POLI: variants seen among roughly 807,000 people sequenced by gnomAD.
The protein encoded by POLI is RAD30 homolog B.
POLI carries 58 observed loss-of-function variants against 51.6 expected under a neutral mutation model. The ratio of observed to expected loss-of-function variants is 1.12; its 90% CI spans 0.91 to 1.40. POLI has a LOEUF of 1.40. Ranked by LOEUF, POLI falls within the 40% of genes most tolerant of loss-of-function variation. The pLI is 0.00. For synonymous variants in POLI, 322 were observed against 299.7 expected (o/e 1.07, Z -0.77); for missense variants, 921 against 871.3 (o/e 1.06, Z -0.72).
chr18:54,279,273 C>T (rs1311143592), intron 4 of POLI, among the ~76,000 whole-genome samples: 1 of 135,026 alleles, frequency 7.4e-6, no homozygotes, highest in Non-Finnish European at 1.5e-5. Flanking sequence ...GACAGAGTCT[C>T]ACTCTGTCGC....
intron 3 of POLI, among the ~76,000 whole-genome samples, chr18:54,306,809 G>A (rs141488383): frequency 0.069 from 10,535 of 152,170 alleles, 427 homozygotes; most frequent in African/African-American, 0.089. Flanking sequence ...TTGGGAGGAT[G>A]TATGTGTCCA....
At position 54,271,449 on chromosome 18, in the gene POLI, A is replaced by G. The variant is rs2086997671; in HGVS notation, c.205A>G (p.Met69Val). The part of the protein sequence containing the change: ...DLDCFYAQVE[M>V]ISNPELKDKP... The stretch of plus-strand genomic sequence containing the variant: ...GGATTGCTTTTATGCACAAGTAGAA[A>G]TGATCTCAAATCCAGAGCTAAAAGA... Residue 69 changes from methionine to valine, a missense_variant, in exon 2 of 10, where the codon ATG becomes GTG. Transcript: ENST00000579534. The G allele has an allele frequency of 6.2e-7, 1 of 1,609,062 alleles. No individual in the cohort carries two copies. Among genetic ancestry groups the G allele is most frequent in the Non-Finnish European group, 8.5e-7 (1 of 1,176,046 alleles).
Position 54,294,656 on chromosome 18 carries a change from G to A in POLI, c.*189G>A, listed in dbSNP as rs1481985176. Reference sequence around the variant, plus strand: ...GTAAAAATATAACAGAAGAAATAATGTAAAATACTATCTTTTATGTCTAAA... The same window carrying A: ...GTAAAAATATAACAGAAGAAATAATATAAAATACTATCTTTTATGTCTAAA... On this transcript the variant is annotated 3_prime_UTR_variant, in exon 10 of 10. Transcript: ENST00000579534. 5 of 1,247,058 alleles carry A rather than the reference G, an allele frequency of 4.0e-6. No individual in the cohort carries two copies. The allele number at this position is 1,247,058 out of a possible 1,614,324, so 77.2% of individuals were successfully genotyped here.
intron 3 of POLI, among the ~76,000 whole-genome samples, chr18:54,308,843 A>C (rs567096201): frequency 2.0e-5 from 3 of 152,198 alleles, no homozygotes; most frequent in Admixed American, 1.3e-4. Flanking sequence ...ATCTTCAATC[A>C]CTGATACCCT....
In POLI at chr18:54,293,669, G is replaced by A; in HGVS notation, c.1425G>A (p.Met475Ile). The change falls in exon 10 of 10, where the codon ATG becomes ATA. Residue 475 changes from methionine (M) to isoleucine (I), a missense_variant. Coordinates refer to ENST00000579534, the MANE Select transcript of POLI (RefSeq NM_007195.3). ...KHSFKMKDTH[M>I]EDFPKDKETN... ...TCTAGAAAATGAAAGACACTCATATGGAAGATTTTCCCAAAGACAAAGAAA... is the reference window on the plus strand; with the variant it reads ...TCTAGAAAATGAAAGACACTCATATAGAAGATTTTCCCAAAGACAAAGAAA... The A allele has an allele frequency of 6.3e-7, 1 of 1,577,754 alleles. No homozygotes were observed. Among genetic ancestry groups the A allele is most frequent in the Non-Finnish European group, 8.6e-7 (1 of 1,165,054 alleles).
At chr18:54,303,506 T>G (rs1348252175) in intron 3 of POLI, among the ~76,000 whole-genome samples, 1 of 152,202 alleles carries the variant, frequency 6.6e-6, no homozygotes, top group Non-Finnish European at 1.5e-5. Context: ...TTCTGCTGAC[T>G]ACTCACATGC....
intron 1 of POLI, chr18:54,270,379 TCTCAA>T (rs1168079570): frequency 1.3e-5 from 2 of 152,232 alleles, no homozygotes; most frequent in Non-Finnish European, 2.9e-5. Context: ...TCCAGGCTGG[TCTCAA>T]ACTCCAGCCA....
downstream of POLI, among the ~76,000 whole-genome samples, chr18:54,299,011 A>G (rs1247278657): frequency 6.6e-6 from 1 of 152,182 alleles, no homozygotes; most frequent in African/African-American, 2.4e-5. Context: ...TTGTAAATTG[A>G]AAATATCATG....
rs2088313570 is a variant in POLI at position 54,296,106 on chromosome 18, A to G, written c.*1639A>G. ...AATCAAGGAACATAGTATTTTTTAC[A>G]TGAGTATTCCAGTAAGGTAATTAAA... On this transcript the variant is annotated 3_prime_UTR_variant, in exon 10 of 10. Transcript: ENST00000579534. 3.1e-6 allele frequency: 3 copies of G among 982,620 alleles called. No individual in the cohort carries two copies. The highest frequency in any genetic ancestry group is 4.7e-5 in the South Asian group (1 of 21,232). The allele number at this position is 982,620 out of a possible 1,614,324, so 60.9% of individuals were successfully genotyped here.
chr18:54,307,569 G>A (rs2088608015), intron 3 of POLI, among the ~76,000 whole-genome samples: 1 of 152,176 alleles, frequency 6.6e-6, no homozygotes, highest in Admixed American at 6.5e-5. Flanking sequence ...TGTTGATTTG[G>A]GGTGGAGAGT....
chr18:54,276,564 C>T (rs950220741), intron 3 of POLI, among the ~76,000 whole-genome samples: 7 of 152,158 alleles, frequency 4.6e-5, no homozygotes, highest in African/African-American at 1.4e-4. Flanking sequence ...CTACATGTTA[C>T]TTTGCATATC....
At chr18:54,303,278 T>A (rs2088523672) in intron 3 of POLI, among the ~76,000 whole-genome samples, 1 of 152,196 alleles carries the variant, frequency 6.6e-6, no homozygotes. Context: ...CTGCCTAAAC[T>A]ACCTAGATTG....
intron 3 of POLI, among the ~76,000 whole-genome samples, chr18:54,308,938 A>G (rs1324384940): frequency 1.3e-5 from 2 of 152,140 alleles, no homozygotes. Flanking sequence ...CCTTCAGGTA[A>G]TTTAAGGTCT....
chr18:54,306,999 A>C (rs771277767), intron 3 of POLI, among the ~76,000 whole-genome samples: 1 of 151,976 alleles, frequency 6.6e-6, no homozygotes, highest in Non-Finnish European at 1.5e-5. Flanking sequence ...CAGTCTAGCT[A>C]GCAAGAAAAG....
chr18:54,305,306 T>G (rs574790783), intron 3 of POLI, among the ~76,000 whole-genome samples: 1 of 152,320 alleles, frequency 6.6e-6, no homozygotes, highest in South Asian at 2.1e-4. Context: ...AAGAAAGTCA[T>G]TGGTAGCTTG....
At chr18:54,305,890 C>G (rs891037093) in intron 3 of POLI, among the ~76,000 whole-genome samples, 1 of 152,118 alleles carries the variant, frequency 6.6e-6, no homozygotes, top group African/African-American at 2.4e-5. Context: ...TCCTGAGTAG[C>G]TGGGACTACA....
At chr18:54,287,100 T>A (rs1026054096) in intron 7 of POLI, among the ~76,000 whole-genome samples, 181 bp from the exon 8 acceptor site, 1 of 152,222 alleles carries the variant, frequency 6.6e-6, no homozygotes, top group African/African-American at 2.4e-5. Flanking sequence ...TTTTAGTGCA[T>A]AGACTTTGTG....
At chr18:54,302,564 A>G (rs1460343646), downstream of POLI, among the ~76,000 whole-genome samples, 2 of 152,216 alleles carry the variant, frequency 1.3e-5, no homozygotes, top group Admixed American at 1.3e-4. Flanking sequence ...CATAATAATC[A>G]CATCATGGTA....
intron 3 of POLI, among the ~76,000 whole-genome samples, chr18:54,309,698 G>GAGGC (rs1282638746): frequency 6.6e-6 from 1 of 152,210 alleles, no homozygotes; most frequent in Non-Finnish European, 1.5e-5. Flanking sequence ...GGAGTCTACA[G>GAGGC]AGGCAGGCAG....
Sources: gnomAD v4.1 joint callset for allele counts (sites outside exome capture counted in the v4.1 genomes callset) on GRCh38, gnomAD v4.1.1 for gene constraint, MANE v1.5 for transcripts, NCBI Gene and HGNC (gene_info 2026-07-23, HGNC 2026-07-21) for gene names.